The following RSRC1 variants were observed in gnomAD, a reference collection of about 807,000 sequenced individuals.
RSRC1 encodes the protein arginine and serine rich coiled-coil 1.
RSRC1 carries 39 observed loss-of-function variants against 49.1 expected under a neutral mutation model. The observed-to-expected ratio is 0.79, with a 90% CI of 0.61 to 1.04. The LOEUF (loss-of-function observed/expected upper bound fraction) is 1.04. Among genes scored for constraint, RSRC1 ranks in the 50% least tolerant of loss-of-function variants. The pLI is 0.00. For synonymous variants in RSRC1, 143 were observed against 130.8 expected (o/e 1.09, Z -0.63); for missense variants, 388 against 402.4 (o/e 0.96, Z 0.31).
intron 4 of RSRC1, among the ~76,000 whole-genome samples, chr3:158,220,683 T>G (rs1722181098): frequency 6.6e-6 from 1 of 151,604 alleles, no homozygotes; most frequent in Admixed American, 6.6e-5. Flanking sequence ...AATAACCACC[T>G]TGTATTTTAA....
chr3:158,354,285 G>A (rs921811020), intron 5 of RSRC1, among the ~76,000 whole-genome samples: 120 of 152,182 alleles, frequency 7.9e-4, no homozygotes, highest in African/African-American at 2.6e-3. Context: ...CACTGCGTCC[G>A]GCTGGAAATT....
intron 3 of RSRC1, among the ~76,000 whole-genome samples, chr3:158,142,070 C>T (rs1716783278): frequency 6.6e-6 from 1 of 152,086 alleles, no homozygotes. Context: ...TGCACTCCAG[C>T]CTGGGCAACA....
At chr3:158,331,890 C>G (rs541823608) in intron 5 of RSRC1, among the ~76,000 whole-genome samples, 1 of 150,172 alleles carries the variant, frequency 6.7e-6, no homozygotes, top group Non-Finnish European at 1.5e-5. Flanking sequence ...CATTCCTACA[C>G]TACCATACTA....
intron 6 of RSRC1, among the ~76,000 whole-genome samples, chr3:158,426,401 A>C (rs1476468117): frequency 6.6e-6 from 1 of 151,612 alleles, no homozygotes; most frequent in African/African-American, 2.4e-5. Flanking sequence ...AAAATGGGCT[A>C]AGGATCATAG....
chr3:158,331,317 T>C (rs535335490), intron 5 of RSRC1, among the ~76,000 whole-genome samples: 3 of 152,232 alleles, frequency 2.0e-5, no homozygotes, highest in Non-Finnish European at 2.9e-5. Context: ...TGACTAGTAG[T>C]CTTTTGTGCG....
At chr3:158,312,911 A>G (rs1056248663) in intron 5 of RSRC1, among the ~76,000 whole-genome samples, 2 of 152,108 alleles carry the variant, frequency 1.3e-5, no homozygotes, top group Admixed American at 1.3e-4. Flanking sequence ...ATGAAGTCCA[A>G]ATTTCTTAAA....
At chr3:158,280,637 C>CTTTTT (rs146925471) in intron 4 of RSRC1, among the ~76,000 whole-genome samples, 1 of 63,984 alleles carries the variant, frequency 1.6e-5, no homozygotes, top group African/African-American at 6.4e-5. Context: ...GAAGTGATTC[C>CTTTTT]TTTTTTTTTT....
intron 7 of RSRC1, among the ~76,000 whole-genome samples, chr3:158,528,619 C>G (rs1712188413): frequency 6.6e-6 from 1 of 151,838 alleles, no homozygotes; most frequent in Non-Finnish European, 1.5e-5. Flanking sequence ...TACAACTCTT[C>G]CATCTACAGA....
chr3:158,159,564 A>G (rs943692457), intron 3 of RSRC1, among the ~76,000 whole-genome samples: 2 of 152,154 alleles, frequency 1.3e-5, no homozygotes, highest in African/African-American at 4.8e-5. Flanking sequence ...TGAAAACCCA[A>G]TTAGGTTGCA....
At position 158,544,551 on chromosome 3, in the gene RSRC1, T is replaced by C. The variant is rs1713221317; in HGVS notation, c.*276T>C. On this transcript the variant is annotated 3_prime_UTR_variant, in exon 10 of 10. Coordinates refer to ENST00000611884, the MANE Select transcript of RSRC1 (RefSeq NM_001271838.2). The stretch of plus-strand genomic sequence containing the variant: ...GTCTGTTAAAATGAATGGTAGACAC[T>C]AGTGTTTCTTAGTGCAATTCAAAAA... 9.3e-6 allele frequency: 2 copies of C among 215,166 alleles called. No homozygotes were observed. Among genetic ancestry groups the C allele is most frequent in the African/African-American group, 2.3e-5 (1 of 43,400 alleles). 13.3% of individuals were successfully genotyped at this position (215,166 alleles called of 1,614,324 possible). A position where few individuals can be genotyped will look rare whatever the true frequency, so the allele number is the denominator to read the frequency against.
intron 7 of RSRC1, among the ~76,000 whole-genome samples, chr3:158,484,795 A>G (rs1738754648): frequency 6.6e-6 from 1 of 152,102 alleles, no homozygotes; most frequent in Admixed American, 6.6e-5. Flanking sequence ...CTTTAAACCT[A>G]AAAATGGTGA....
intron 4 of RSRC1, among the ~76,000 whole-genome samples, chr3:158,210,092 A>T (rs1051687870): frequency 6.6e-5 from 10 of 152,190 alleles, no homozygotes; most frequent in African/African-American, 1.9e-4. Flanking sequence ...AGAGTCTGTC[A>T]TATTTTTCCT....
chr3:158,198,312 A>G (rs943169955), intron 3 of RSRC1, among the ~76,000 whole-genome samples: 2 of 151,834 alleles, frequency 1.3e-5, no homozygotes, highest in Admixed American at 6.6e-5. Flanking sequence ...TAGGATTGCA[A>G]CCCCTGCCTT....
At chr3:158,334,927 A>G (rs1729800981) in intron 5 of RSRC1, among the ~76,000 whole-genome samples, 1 of 151,998 alleles carries the variant, frequency 6.6e-6, no homozygotes, top group African/African-American at 2.4e-5. Flanking sequence ...TTGTTTCTAA[A>G]CTTGCATTAA....
chr3:158,203,991 C>T (rs758098375), intron 4 of RSRC1, among the ~76,000 whole-genome samples: 1 of 152,002 alleles, frequency 6.6e-6, no homozygotes, highest in Non-Finnish European at 1.5e-5. Flanking sequence ...GTCTTTTATT[C>T]TAGGAAGTAG....
intron 7 of RSRC1, among the ~76,000 whole-genome samples, chr3:158,535,234 C>T (rs771994968): frequency 1.3e-5 from 2 of 151,270 alleles, no homozygotes; most frequent in Non-Finnish European, 3.0e-5. Flanking sequence ...AAATTTTAAA[C>T]TGTGTTAATA....
intron 5 of RSRC1, among the ~76,000 whole-genome samples, chr3:158,332,795 C>A (rs1729626117): frequency 6.8e-6 from 1 of 146,604 alleles, no homozygotes; most frequent in Non-Finnish European, 1.5e-5. Flanking sequence ...ATTTTTTTTT[C>A]CAAATCTGGA....
At chr3:158,193,448 A>G (rs369075913) in intron 3 of RSRC1, among the ~76,000 whole-genome samples, 8 of 152,114 alleles carry the variant, frequency 5.3e-5, no homozygotes, top group African/African-American at 1.9e-4. Flanking sequence ...TTAGAATTTT[A>G]TTAATGTTTA....
At chr3:158,495,904 C>T (rs572900050) in intron 7 of RSRC1, among the ~76,000 whole-genome samples, 5 of 152,192 alleles carry the variant, frequency 3.3e-5, no homozygotes, top group East Asian at 3.9e-4. Flanking sequence ...AGTTTGCTGA[C>T]GCCTGGCTTA....
Sources: gnomAD v4.1 joint callset for allele counts (sites outside exome capture counted in the v4.1 genomes callset) on GRCh38, gnomAD v4.1.1 for gene constraint, MANE v1.5 for transcripts, NCBI Gene and HGNC (gene_info 2026-07-23, HGNC 2026-07-21) for gene names.